MBD3L5: variants seen among roughly 807,000 people sequenced by gnomAD.
The protein encoded by MBD3L5 is methyl-CpG-binding domain protein 3-like 5.
For synonymous variants in MBD3L5, 4 were observed against 8.2 expected, an observed-to-expected ratio of 0.49 and a Z score of 0.88; for missense variants, 1 against 20.1, an observed-to-expected ratio of 0.05 and a Z score of 1.82.
chr19:7,030,873 C>G (rs1437083325), intron 1 of MBD3L5, among the ~76,000 whole-genome samples: 3 of 152,100 alleles, frequency 2.0e-5, no homozygotes, highest in South Asian at 4.1e-4. Flanking sequence ...TTTTAAAAAT[C>G]CAACATCACT....
intron 1 of MBD3L5, among the ~76,000 whole-genome samples, 164 bp downstream of exon 1, chr19:7,030,820 T>C (rs1183289119): frequency 6.6e-6 from 1 of 151,774 alleles, no homozygotes; most frequent in East Asian, 1.9e-4. Context: ...AGTATTCTCA[T>C]TTTTGCCCAT....
In MBD3L5 at chr19:7,032,717, AG is replaced by A; in HGVS notation, c.456del (p.Pro153GlnfsTer18). 9.9e-6 allele frequency: 3 copies of A among 301,572 alleles called. No individual in the cohort carries two copies. Among genetic ancestry groups the A allele is most frequent in the Non-Finnish European group, 1.1e-5 (2 of 177,972 alleles). The allele number at this position is 301,572 out of a possible 1,614,324, so 18.7% of individuals were successfully genotyped here. Reference protein sequence around the residue: ...PTPGRFPAVAGGPTPGMGCQL... With the variant: ...PTPGRFPAVAXGPTPGMGCQL... Reference sequence around the variant, plus strand: ...CCCCTGGGCGGTTTCCAGCTGTGGCAGGGGGGCCAACCCCAGGAATGGGTTG... The same window carrying A: ...CCCCTGGGCGGTTTCCAGCTGTGGCAGGGGGCCAACCCCAGGAATGGGTTG... On this transcript the variant is annotated frameshift_variant, in exon 2 of 2. Transcript: ENST00000329753. LOFTEE classifies it low-confidence loss of function (END_TRUNC).
At chr19:7,030,998 A>AC (rs1976816416) in intron 1 of MBD3L5, among the ~76,000 whole-genome samples, 1 of 128,750 alleles carries the variant, frequency 7.8e-6, no homozygotes, top group Admixed American at 7.9e-5. Flanking sequence ...AAAAACAAAA[A>AC]AAATTAGTTC....
intron 1 of MBD3L5, 113 bp downstream of exon 1, chr19:7,030,769 C>T (rs1690412): frequency 1.9e-5 from 10 of 526,714 alleles, no homozygotes; most frequent in Non-Finnish European, 1.0e-5. Flanking sequence ...TGTTGTGGAA[C>T]GTTATACCTC....
In MBD3L5 at chr19:7,032,744, T is replaced by A. The variant is rs772390859; in HGVS notation, c.477T>A (p.Cys159Ter). 1 of 405,138 alleles carries A rather than the reference T, an allele frequency of 2.5e-6. No homozygotes were observed. Among genetic ancestry groups the A allele is most frequent in the Non-Finnish European group, 4.2e-6 (1 of 236,532 alleles). The allele number at this position is 405,138 out of a possible 1,614,324, so 25.1% of individuals were successfully genotyped here. The change falls in exon 2 of 2, where the codon TGT (cysteine) becomes TGA (stop). Residue 159 changes from cysteine to a stop codon, truncating the protein, a stop_gained. Transcript: ENST00000329753. LOFTEE classifies it low-confidence loss of function (END_TRUNC). ...GGGGGCCAACCCCAGGAATGGGTTG[T>A]CAGCTCCCACCGCCCCTCTCTGGCC... ...VAGGPTPGMG[C>*]QLPPPLSGQL...
rs1438419969 is a variant in MBD3L5 at position 7,030,927 on chromosome 19, G to A, written c.45+271G>A. Among the ~76,000 whole-genome samples the A allele has an allele frequency of 6.1e-3, 904 of 149,326 alleles. 3 individuals carry two copies. The highest frequency in any genetic ancestry group is 0.022 in the African/African-American group (860 of 38,822). On this transcript the variant is annotated intron_variant, in intron 1 of 1. Coordinates refer to ENST00000329753, the MANE Select transcript of MBD3L5 (RefSeq NM_001136507.2). ...GATTTGGCCTTGCAGTCTTCAAATTGTCTCCTTCTCTGGAAAGCTCCTGAA... is the reference window on the plus strand; with the variant it reads ...GATTTGGCCTTGCAGTCTTCAAATTATCTCCTTCTCTGGAAAGCTCCTGAA...
intron 1 of MBD3L5, among the ~76,000 whole-genome samples, chr19:7,030,983 A>T (rs1976816092): frequency 1.1e-5 from 1 of 92,558 alleles, no homozygotes; most frequent in Non-Finnish European, 2.1e-5. Context: ...TTTTTTAAAA[A>T]AACAAAAAAC....
At chr19:7,030,772 T>G (rs62123290) in intron 1 of MBD3L5, 116 bp downstream of exon 1, 30,657 of 399,750 alleles carry the variant, frequency 0.077, 2,402 homozygotes, top group South Asian at 0.15. Context: ...TGTGGAACGT[T>G]ATACCTCAGG....
chr19:7,031,139 T>A (rs1357325224), intron 1 of MBD3L5, among the ~76,000 whole-genome samples: 1 of 126,200 alleles, frequency 7.9e-6, no homozygotes, highest in Non-Finnish European at 1.7e-5. Flanking sequence ...TTCTTCATCA[T>A]GGAACTTACT....
Position 7,030,776 on chromosome 19 carries a change from C to G in MBD3L5, c.45+120C>G, listed in dbSNP as rs1237135807. ...AAACTGGATGTTGTGGAACGTTATA[C>G]CTCAGGTGTTAATATCTGTTGAATA... On this transcript the variant is annotated intron_variant, in intron 1 of 1. Transcript: ENST00000329753. The G allele has an allele frequency of 1.5e-5, 9 of 606,414 alleles. No individual in the cohort carries two copies. The Middle Eastern group carries it at 2.2e-3, about 151-fold the overall frequency. The allele number at this position is 606,414 out of a possible 1,614,324, so 37.6% of individuals were successfully genotyped here. A position where few individuals can be genotyped will look rare whatever the true frequency, so the allele number is the denominator to read the frequency against.
chr19:7,030,580 A>C lies in MBD3L5; in HGVS notation c.-32A>C. 1 of 579,954 alleles carries C rather than the reference A, an allele frequency of 1.7e-6. No homozygotes were observed. Among genetic ancestry groups the C allele is most frequent in the Non-Finnish European group, 3.1e-6 (1 of 325,232 alleles). The allele number at this position is 579,954 out of a possible 1,614,324, so 35.9% of individuals were successfully genotyped here. ...CAAGCCAAGGGTTGTCTGCATCTCAAGAGTGGGGTCAGCAAGAGAAACTCT... is the reference window on the plus strand; with the variant it reads ...CAAGCCAAGGGTTGTCTGCATCTCACGAGTGGGGTCAGCAAGAGAAACTCT... On this transcript the variant is annotated 5_prime_UTR_variant, in exon 1 of 2. Coordinates refer to ENST00000329753, the MANE Select transcript of MBD3L5 (RefSeq NM_001136507.2).
At chr19:7,030,865 T>A (rs1976814646) in intron 1 of MBD3L5, among the ~76,000 whole-genome samples, 1 of 151,998 alleles carries the variant, frequency 6.6e-6, no homozygotes, top group African/African-American at 2.4e-5. Flanking sequence ...TGAATTTTTT[T>A]TAAAAATCCA....
At chr19:7,030,957 A>G (rs1218025295) in intron 1 of MBD3L5, among the ~76,000 whole-genome samples, 1 of 149,956 alleles carries the variant, frequency 6.7e-6, no homozygotes, top group African/African-American at 2.5e-5. Context: ...CCTGAACCAG[A>G]AATTGCTTGG....
chr19:7,031,110 CCT>C (rs1416150212), intron 1 of MBD3L5, among the ~76,000 whole-genome samples: 1 of 134,564 alleles, frequency 7.4e-6, no homozygotes, highest in Non-Finnish European at 1.6e-5. Context: ...TCCTTCCATC[CCT>C]CTCTGTCACT....
rs1377451804 is a variant in MBD3L5 at position 7,030,866 on chromosome 19, T to A, written c.45+210T>A. Among the ~76,000 whole-genome samples the A allele has an allele frequency of 5.2e-3, 784 of 150,698 alleles. 2 individuals carry two copies. The highest frequency in any genetic ancestry group is 0.018 in the African/African-American group (724 of 40,160). On this transcript the variant is annotated intron_variant, in intron 1 of 1. Coordinates refer to ENST00000329753, the MANE Select transcript of MBD3L5 (RefSeq NM_001136507.2). ...GGGGATAATAGCTTTGAATTTTTTT[T>A]AAAAATCCAACATCACTAGGAAAGG...
rs1976815333 is a variant in MBD3L5, at chr19:7,030,915, A to AGTCTTCAAATT, written c.45+264_45+274dup. On this transcript the variant is annotated intron_variant, in intron 1 of 1. Transcript: ENST00000329753. ...GGGAAGAAGTATGATTTGGCCTTGC[A>AGTCTTCAAATT]GTCTTCAAATTGTCTCCTTCTCTGG... Among the ~76,000 whole-genome samples the AGTCTTCAAATT allele has an allele frequency of 3.9e-5, 6 of 151,944 alleles. No homozygotes were observed. In the South Asian group the frequency reaches 1.2e-3, roughly 32 times the overall value.
rs1464645657 is a variant in MBD3L5, at chr19:7,030,895, G to A, written c.45+239G>A. Among the ~76,000 whole-genome samples, 12 of 152,030 alleles carry A rather than the reference G, an allele frequency of 7.9e-5. No homozygotes were observed. The South Asian group carries it at 2.1e-3, about 26-fold the overall frequency. On this transcript the variant is annotated intron_variant, in intron 1 of 1. Transcript: ENST00000329753. ...AATCCAACATCACTAGGAAAGGGAA[G>A]AAGTATGATTTGGCCTTGCAGTCTT...
chr19:7,030,769 C>A (rs1690412), intron 1 of MBD3L5, 113 bp downstream of exon 1: 398,463 of 505,764 alleles, frequency 0.79, 163,933 homozygotes, highest in African/African-American at 0.89. Flanking sequence ...TGTTGTGGAA[C>A]GTTATACCTC....
intron 1 of MBD3L5, among the ~76,000 whole-genome samples, chr19:7,030,991 AAC>A (rs1976816263): frequency 1.3e-5 from 1 of 79,766 alleles, no homozygotes; most frequent in African/African-American, 5.3e-5. Context: ...AAAAACAAAA[AAC>A]AAAAAAAATT....
Sources: gnomAD v4.1 joint callset for allele counts (sites outside exome capture counted in the v4.1 genomes callset) on GRCh38, gnomAD v4.1.1 for gene constraint, MANE v1.5 for transcripts, NCBI Gene and HGNC (gene_info 2026-07-23, HGNC 2026-07-21) for gene names.